The following MARCHF6 variants were observed in gnomAD, a reference collection of about 807,000 sequenced individuals.
MARCHF6 encodes E3 ubiquitin-protein ligase MARCHF6.
A neutral mutation model predicts 133.7 loss-of-function variants in MARCHF6; 31 were observed. The ratio of observed to expected loss-of-function variants is 0.23; its 90% CI spans 0.17 to 0.31. The LOEUF is 0.31. Among genes scored for constraint, MARCHF6 ranks in the 10% least tolerant of loss-of-function variants. The probability of loss-of-function intolerance (pLI) is 1.00; values close to 1 mark genes in which losing one functional copy is unlikely to be tolerated. For synonymous variants in MARCHF6, 395 were observed against 402.5 expected (o/e 0.98, Z 0.22); for missense variants, 723 against 1,121.6 (o/e 0.64, Z 5.08).
chr5:10,426,896 G>C, intron 24 of MARCHF6, among the ~76,000 whole-genome samples: 1 of 152,176 alleles, frequency 6.6e-6, no homozygotes, highest in East Asian at 1.9e-4. Context: ...TGGCATAAAA[G>C]ATCCAAAGAG....
chr5:10,411,446 A>G lies in MARCHF6; in HGVS notation c.1805A>G (p.Glu602Gly). The G allele has an allele frequency of 6.2e-7, 1 of 1,614,218 alleles. No individual in the cohort carries two copies. Among genetic ancestry groups the G allele is most frequent in the Non-Finnish European group, 8.5e-7 (1 of 1,180,024 alleles). The change falls in exon 19 of 26, where the codon GAA becomes GGA. Residue 602 changes from glutamate (E) to glycine (G), a missense_variant. By Grantham distance (98) the Glu-to-Gly change is moderately conservative (BLOSUM62 -2). This residue lies in a region of MARCHF6 where 492 missense variants were observed against 699.5 expected (regional missense o/e 0.70). Coordinates refer to ENST00000274140, the MANE Select transcript of MARCHF6 (RefSeq NM_005885.4). ...RNNNAIPVVG[E>G]GLHAAHQAIL... ...AACAACGCTATTCCTGTGGTGGGAGAAGGCCTTCATGCAGCCCACCAAGCC... is the reference window on the plus strand; with the variant it reads ...AACAACGCTATTCCTGTGGTGGGAGGAGGCCTTCATGCAGCCCACCAAGCC...
rs1396340082 is a variant in MARCHF6, at chr5:10,384,030, A to G, written c.334+2087A>G. On this transcript the variant is annotated intron_variant, in intron 4 of 25. Coordinates refer to ENST00000274140, the MANE Select transcript of MARCHF6 (RefSeq NM_005885.4). ...ACATTGTTACATTATTAATGACAAA[A>G]GTGCCACCACAGATCGGTGGCAAAA... Among the ~76,000 whole-genome samples the G allele has an allele frequency of 2.0e-5, 3 of 152,168 alleles. No homozygotes were observed. In the South Asian group the frequency reaches 6.2e-4, roughly 32 times the overall value.
At chr5:10,395,531 A>T (rs1738140138) in intron 9 of MARCHF6, among the ~76,000 whole-genome samples, 1 of 152,176 alleles carries the variant, frequency 6.6e-6, no homozygotes, top group Admixed American at 6.5e-5. Context: ...GTGAGGAGCA[A>T]TTCTTTAAAG....
In MARCHF6 at chr5:10,353,824, C is replaced by G; in HGVS notation, c.-75C>G. 7.1e-7 allele frequency: 1 copy of G among 1,414,812 alleles called. No homozygotes were observed. The highest frequency in any genetic ancestry group is 9.6e-7 in the Non-Finnish European group (1 of 1,037,054). The allele number at this position is 1,414,812 out of a possible 1,614,324, so 87.6% of individuals were successfully genotyped here. A position where few individuals can be genotyped will look rare whatever the true frequency, so the allele number is the denominator to read the frequency against. ...GCACCTGCCCGGGCCCGGCTCCCTC[C>G]TCCTCTCCCCTCCCTCTTTCCCCGC... On this transcript the variant is annotated 5_prime_UTR_variant, in exon 1 of 26. Transcript: ENST00000274140.
At chr5:10,377,723 T>C in intron 1 of MARCHF6, 75 bp from the exon 2 acceptor site, 3 of 891,134 alleles carry the variant, frequency 3.4e-6, no homozygotes, top group South Asian at 2.7e-5. Flanking sequence ...TCCAATATTT[T>C]GGTTTATGCT....
At chr5:10,381,646 T>A (rs1369351441) in intron 3 of MARCHF6, among the ~76,000 whole-genome samples, 154 bp from the exon 4 acceptor site, 2 of 152,220 alleles carry the variant, frequency 1.3e-5, no homozygotes, top group Non-Finnish European at 2.9e-5. Flanking sequence ...TGGGTAAATG[T>A]GATATTATAA....
rs1403101253 is a variant in MARCHF6, at chr5:10,435,685, A to T, written c.*2001A>T. The stretch of plus-strand genomic sequence containing the variant: ...TATATATATATATATATATATATAT[A>T]TATATATATATATTTTTTTTTTTTT... On this transcript the variant is annotated 3_prime_UTR_variant, in exon 26 of 26. Transcript: ENST00000274140. 8 of 5,574 alleles carry T rather than the reference A, an allele frequency of 1.4e-3. No homozygotes were observed. Among genetic ancestry groups the T allele is most frequent in the African/African-American group, 8.5e-3 (7 of 826 alleles). 0.3% of individuals were successfully genotyped at this position (5,574 alleles called of 1,614,324 possible).
intron 16 of MARCHF6, among the ~76,000 whole-genome samples, chr5:10,406,094 G>A (rs1738871925): frequency 6.6e-6 from 1 of 152,182 alleles, no homozygotes; most frequent in African/African-American, 2.4e-5. Context: ...GGAACTGCGA[G>A]TGCGAGGGAT....
At chr5:10,379,219 T>A (rs541584720) in intron 3 of MARCHF6, among the ~76,000 whole-genome samples, 1 of 152,186 alleles carries the variant, frequency 6.6e-6, no homozygotes, top group African/African-American at 2.4e-5. Flanking sequence ...CTTTATCCTT[T>A]TATTTTTTTC....
intron 23 of MARCHF6, among the ~76,000 whole-genome samples, chr5:10,424,185 A>G (rs767966265): frequency 4.0e-4 from 61 of 152,196 alleles, no homozygotes; most frequent in Non-Finnish European, 6.8e-4. Context: ...ACAAAGAATA[A>G]TAAATTTTTA....
At chr5:10,401,932 A>G in intron 11 of MARCHF6, 127 bp from the exon 12 acceptor site, 1 of 632,070 alleles carries the variant, frequency 1.6e-6, no homozygotes, top group Non-Finnish European at 2.8e-6. Context: ...CAGATTTTAC[A>G]GTTGTTTCCT....
chr5:10,383,792 A>AT (rs1737301771), intron 4 of MARCHF6, among the ~76,000 whole-genome samples: 1 of 152,232 alleles, frequency 6.6e-6, no homozygotes, highest in Admixed American at 6.5e-5. Flanking sequence ...GCAATAATTA[A>AT]TAGTTTTTGG....
At position 10,437,365 on chromosome 5, in the gene MARCHF6, C is replaced by A. The variant is rs1437558891; in HGVS notation, c.*3681C>A. On this transcript the variant is annotated 3_prime_UTR_variant, in exon 26 of 26. Transcript: ENST00000274140. ...ACCAGTAAAGTATTATTAAAAGCCT[C>A]ATTTGTGGAGATTCGCTGACTTCCT... 6.6e-6 allele frequency: 1 copy of A among 152,140 alleles called. No homozygotes were observed. The highest frequency in any genetic ancestry group is 1.5e-5 in the Non-Finnish European group (1 of 68,032). The allele number at this position is 152,140 out of a possible 1,614,324, so 9.4% of individuals were successfully genotyped here.
chr5:10,397,731 T>TC (rs1270238111), intron 10 of MARCHF6, among the ~76,000 whole-genome samples: 1 of 152,188 alleles, frequency 6.6e-6, no homozygotes, highest in African/African-American at 2.4e-5. Context: ...CTTCTAGAGA[T>TC]CTTGACTTGG....
At chr5:10,427,737 C>T (rs1437346788) in intron 24 of MARCHF6, among the ~76,000 whole-genome samples, 1 of 152,068 alleles carries the variant, frequency 6.6e-6, no homozygotes, top group Non-Finnish European at 1.5e-5. Flanking sequence ...TGTGTGTGTG[C>T]CCTTCTTTAC....
In MARCHF6 at chr5:10,429,909, G is replaced by T. The variant is rs1159847155; in HGVS notation, c.2523G>T (p.Met841Ile). The T allele has an allele frequency of 6.2e-6, 10 of 1,612,278 alleles. No homozygotes were observed. Among genetic ancestry groups the T allele is most frequent in the Non-Finnish European group, 7.6e-6 (9 of 1,178,646 alleles). The change falls in exon 25 of 26, where the codon ATG (methionine) becomes ATT (isoleucine). Residue 841 changes from methionine (M) to isoleucine (I), a missense_variant. Transcript: ENST00000274140. ...VVPLLGVTAE[M>I]QNLVHRRIYP... ...GTTTTCTAGGTGTTACTGCGGAAAT[G>T]CAAAACTTAGTCCATCGGCGGATTT...
In MARCHF6 at chr5:10,415,663, T is replaced by C; in HGVS notation, c.2142T>C (p.Ser714=). 6 of 1,613,972 alleles carry C rather than the reference T, an allele frequency of 3.7e-6. No individual in the cohort carries two copies. Among genetic ancestry groups the C allele is most frequent in the Non-Finnish European group, 4.2e-6 (5 of 1,179,872 alleles). ...RVIFQKVKEW[S]LMIMKTLIVA... ...TCTTCCAGAAGGTTAAAGAGTGGTC[T>C]CTCATGGTATGTGTGTGTAATACAA... is the stretch of plus-strand genomic sequence containing the variant. The change falls in exon 21 of 26, where the codon TCT becomes TCC. Residue 714 remains serine (S), a synonymous_variant. Transcript: ENST00000274140.
At chr5:10,366,962 A>G (rs1484030004) in intron 1 of MARCHF6, among the ~76,000 whole-genome samples, 1 of 152,194 alleles carries the variant, frequency 6.6e-6, no homozygotes, top group African/African-American at 2.4e-5. Context: ...GGCCTCCAAC[A>G]GTTACAAATC....
At chr5:10,395,899 T>A (rs1278835993) in intron 9 of MARCHF6, among the ~76,000 whole-genome samples, 1 of 152,198 alleles carries the variant, frequency 6.6e-6, no homozygotes, top group Non-Finnish European at 1.5e-5. Context: ...TTAGTGGGAA[T>A]GTGATATTAA....
Sources: gnomAD v4.1 joint callset for allele counts (sites outside exome capture counted in the v4.1 genomes callset) on GRCh38, gnomAD v4.1.1 for gene constraint, gnomAD v4.1.1 regional missense constraint, MANE v1.5 for transcripts, NCBI Gene and HGNC (gene_info 2026-07-23, HGNC 2026-07-21) for gene names.